The following CDH18 variants were observed in gnomAD, a reference collection of about 807,000 sequenced individuals.
CDH18 encodes cadherin-18.
CDH18 carries 31 observed loss-of-function variants against 67.9 expected under a neutral mutation model. The ratio of observed to expected loss-of-function variants is 0.46; its 90% CI spans 0.34 to 0.62. The LOEUF is 0.62. Among genes scored for constraint, CDH18 ranks in the 20% least tolerant of loss-of-function variants. The pLI is 0.01. For missense variants in CDH18, 890 were observed against 975.5 expected (o/e 0.91, Z 1.17); for synonymous variants, 362 against 347.2 (o/e 1.04, Z -0.48).
chr5:19,917,370 A>C (rs2150155807), intron 2 of CDH18, among the ~76,000 whole-genome samples: 1 of 138,036 alleles, frequency 7.2e-6, no homozygotes, highest in African/African-American at 2.9e-5. Context: ...TTTTCTGATC[A>C]GTGAAGGTTT....
chr5:20,402,705 G>C (rs574235139), intron 1 of CDH18, among the ~76,000 whole-genome samples: 1 of 152,180 alleles, frequency 6.6e-6, no homozygotes, highest in East Asian at 1.9e-4. Context: ...TCGCTGCAAA[G>C]GGCCTTGCCT....
intron 5 of CDH18, among the ~76,000 whole-genome samples, chr5:19,636,243 A>C (rs1261168205): frequency 6.6e-6 from 1 of 152,074 alleles, no homozygotes; most frequent in Non-Finnish European, 1.5e-5. Context: ...ATTGACACAA[A>C]ATTGTATGTA....
At chr5:19,856,210 C>T (rs1299994023) in intron 2 of CDH18, among the ~76,000 whole-genome samples, 1 of 152,206 alleles carries the variant, frequency 6.6e-6, no homozygotes, top group Admixed American at 6.5e-5. Context: ...TGCAAATTCC[C>T]AGGCTCGATT....
intron 9 of CDH18, among the ~76,000 whole-genome samples, chr5:19,538,441 T>C (rs549931170): frequency 4.6e-4 from 70 of 152,316 alleles, no homozygotes; most frequent in African/African-American, 1.6e-3. Context: ...AAAACTGTGA[T>C]ATATGATGAG....
At chr5:20,334,838 T>G (rs559008568) in intron 1 of CDH18, among the ~76,000 whole-genome samples, 1 of 151,706 alleles carries the variant, frequency 6.6e-6, no homozygotes, top group South Asian at 2.1e-4. Flanking sequence ...TCTTTCATCT[T>G]GTCAGATACT....
At chr5:20,018,404 A>G (rs948695265) in intron 2 of CDH18, among the ~76,000 whole-genome samples, 1 of 152,170 alleles carries the variant, frequency 6.6e-6, no homozygotes, top group Admixed American at 6.5e-5. Context: ...TTTTGCAAAC[A>G]AGATTCTTTT....
intron 2 of CDH18, among the ~76,000 whole-genome samples, chr5:20,242,618 A>ATACGTATATATATATACATG (rs1561905936): frequency 8.1e-6 from 1 of 124,124 alleles, no homozygotes; most frequent in African/African-American, 3.4e-5. Flanking sequence ...AAAAATATAT[A>ATACGTATATATATATACATG]TATATATATA....
chr5:19,965,110 T>C (rs6864843), intron 2 of CDH18, among the ~76,000 whole-genome samples: 18,796 of 152,174 alleles, frequency 0.12, 3,325 homozygotes, highest in African/African-American at 0.39. Context: ...GGGGATTGCA[T>C]GATATCTTTA....
chr5:20,060,710 T>C (rs1250224784), intron 2 of CDH18, among the ~76,000 whole-genome samples: 1 of 152,144 alleles, frequency 6.6e-6, no homozygotes, highest in Non-Finnish European at 1.5e-5. Flanking sequence ...TCCTTTTTAA[T>C]GCAAATAAAA....
intron 5 of CDH18, among the ~76,000 whole-genome samples, chr5:19,636,856 T>C (rs951086859): frequency 6.6e-6 from 1 of 152,104 alleles, no homozygotes; most frequent in African/African-American, 2.4e-5. Flanking sequence ...CTTTGTCACA[T>C]CTCTAATCCT....
intron 5 of CDH18, among the ~76,000 whole-genome samples, chr5:19,631,960 G>C (rs984125081): frequency 1.3e-5 from 2 of 152,008 alleles, no homozygotes; most frequent in African/African-American, 2.4e-5. Context: ...TAGAGTAGTA[G>C]AGCCAATTGT....
chr5:19,529,838 G>A (rs1748311993), intron 9 of CDH18, among the ~76,000 whole-genome samples: 1 of 152,104 alleles, frequency 6.6e-6, no homozygotes, highest in Admixed American at 6.5e-5. Context: ...TGGATAAAAT[G>A]CTCAATGTTG....
chr5:19,848,977 T>C (rs981090485), intron 2 of CDH18, among the ~76,000 whole-genome samples: 1 of 151,264 alleles, frequency 6.6e-6, no homozygotes, highest in African/African-American at 2.4e-5. Flanking sequence ...GTATATAATA[T>C]AGCCTATATA....
intron 1 of CDH18, among the ~76,000 whole-genome samples, chr5:20,446,292 G>C (rs567191041): frequency 6.6e-6 from 1 of 152,214 alleles, no homozygotes; most frequent in East Asian, 1.9e-4. Context: ...GGCAGTCTTG[G>C]GGTTGAACCT....
chr5:20,102,278 G>T (rs984137527), intron 2 of CDH18, among the ~76,000 whole-genome samples: 6 of 151,334 alleles, frequency 4.0e-5, no homozygotes, highest in Non-Finnish European at 8.8e-5. Flanking sequence ...TGGATGTGAG[G>T]AATGTACTTA....
chr5:19,504,995 T>A (rs1743867916), intron 10 of CDH18, among the ~76,000 whole-genome samples: 1 of 152,180 alleles, frequency 6.6e-6, no homozygotes, highest in South Asian at 2.1e-4. Context: ...TTTACAAATA[T>A]GAGCTTATTA....
chr5:19,599,444 T>G (rs889876734), intron 6 of CDH18, among the ~76,000 whole-genome samples: 5 of 152,210 alleles, frequency 3.3e-5, no homozygotes, highest in African/African-American at 1.2e-4. Context: ...TCTGCTTTTA[T>G]GAATATAAAA....
intron 1 of CDH18, among the ~76,000 whole-genome samples, chr5:20,323,830 A>G (rs1265707270): frequency 6.6e-6 from 1 of 152,206 alleles, no homozygotes; most frequent in Admixed American, 6.5e-5. Flanking sequence ...AATATATAAC[A>G]CAGATATAAG....
intron 1 of CDH18, among the ~76,000 whole-genome samples, chr5:20,328,612 T>C (rs1165498156): frequency 6.6e-6 from 1 of 152,176 alleles, no homozygotes; most frequent in Non-Finnish European, 1.5e-5. Flanking sequence ...TAATGTGGAC[T>C]ATTCTTCCTT....
Sources: allele counts gnomAD v4.1 joint callset (sites outside exome capture counted in the v4.1 genomes callset), GRCh38; gene constraint gnomAD v4.1.1; transcripts MANE v1.5; gene names NCBI Gene and HGNC (gene_info 2026-07-23, HGNC 2026-07-21).